The following MATCAP2 variants were observed in gnomAD, a reference collection of about 807,000 sequenced individuals.
MATCAP2 encodes the protein microtubule associated tyrosine carboxypeptidase 2.
the MATCAP2 span, among the ~76,000 whole-genome samples, chr7:36,381,331 G>A: frequency 6.6e-6 from 1 of 152,094 alleles, no homozygotes; most frequent in Non-Finnish European, 1.5e-5. Flanking sequence ...GAAAAGGGAG[G>A]AGAAGGTCAG....
chr7:36,343,811 G>A, the MATCAP2 span, among the ~76,000 whole-genome samples: 1 of 151,778 alleles, frequency 6.6e-6, no homozygotes, highest in Non-Finnish European at 1.5e-5. Flanking sequence ...AAATGCATAT[G>A]GCTAATATGA....
chr7:36,376,356 G>A, the MATCAP2 span, among the ~76,000 whole-genome samples: 3 of 152,190 alleles, frequency 2.0e-5, no homozygotes, highest in Non-Finnish European at 4.4e-5. Context: ...TTACCCAGTA[G>A]TCATTCAGGA....
the MATCAP2 span, among the ~76,000 whole-genome samples, chr7:36,328,311 C>T: frequency 1.0e-3 from 158 of 151,454 alleles, no homozygotes; most frequent in African/African-American, 3.6e-3. Flanking sequence ...CTCTCGCCTC[C>T]ACCTCCCAAA....
At chr7:36,356,751 C>T in the MATCAP2 span, 18 of 698,080 alleles carry the variant, frequency 2.6e-5, no homozygotes, top group Non-Finnish European at 3.8e-5. Context: ...TAATACTCGT[C>T]TTGTCGCACA....
chr7:36,389,628 T>C, the MATCAP2 span, among the ~76,000 whole-genome samples: 1 of 151,872 alleles, frequency 6.6e-6, no homozygotes, highest in Non-Finnish European at 1.5e-5. Flanking sequence ...TTGTTGGGGG[T>C]GGAGCCAGGA....
At chr7:36,387,696 G>C in the MATCAP2 span, among the ~76,000 whole-genome samples, 2 of 152,098 alleles carry the variant, frequency 1.3e-5, no homozygotes, top group South Asian at 4.1e-4. Flanking sequence ...ATAGTGGGAT[G>C]GTGAGGGAAG....
At chr7:36,334,311 C>T in the MATCAP2 span, 16 of 616,224 alleles carry the variant, frequency 2.6e-5, no homozygotes, top group Admixed American at 1.5e-4. Context: ...CCGAGGCATG[C>T]GGATCACTTG....
the MATCAP2 span, chr7:36,357,220 T>C: frequency 1.5e-5 from 25 of 1,614,154 alleles, no homozygotes; most frequent in Admixed American, 1.8e-4. Context: ...GTGTAAACTT[T>C]ACAGGACTTG....
the MATCAP2 span, among the ~76,000 whole-genome samples, chr7:36,361,862 G>A: frequency 6.6e-6 from 1 of 152,218 alleles, no homozygotes; most frequent in Non-Finnish European, 1.5e-5. Flanking sequence ...GCAACAATAT[G>A]GATGTATCTC....
the MATCAP2 span, among the ~76,000 whole-genome samples, chr7:36,377,935 A>G: frequency 6.6e-6 from 1 of 152,114 alleles, no homozygotes; most frequent in Non-Finnish European, 1.5e-5. Flanking sequence ...TTCTCATGCC[A>G]TGGTTTTGAG....
the MATCAP2 span, chr7:36,357,644 G>A: frequency 7.6e-7 from 1 of 1,323,336 alleles, no homozygotes; most frequent in Admixed American, 2.1e-5. Flanking sequence ...ACCAGATGAA[G>A]CAAACTGTTT....
At chr7:36,363,880 C>G in the MATCAP2 span, among the ~76,000 whole-genome samples, 5 of 152,016 alleles carry the variant, frequency 3.3e-5, no homozygotes, top group Non-Finnish European at 2.9e-5. Flanking sequence ...ATTAGTATCA[C>G]ATTAAATATT....
the MATCAP2 span, among the ~76,000 whole-genome samples, chr7:36,375,494 T>A: frequency 6.6e-6 from 1 of 152,214 alleles, no homozygotes; most frequent in African/African-American, 2.4e-5. Context: ...GGTTTGCCAG[T>A]ATTTTATTGA....
At chr7:36,330,987 C>G in the MATCAP2 span, 1 of 1,604,970 alleles carries the variant, frequency 6.2e-7, no homozygotes, top group Non-Finnish European at 8.5e-7. Flanking sequence ...CTCACCTTCC[C>G]GAGAGCAGTC....
At chr7:36,363,025 G>A in the MATCAP2 span, among the ~76,000 whole-genome samples, 2 of 152,160 alleles carry the variant, frequency 1.3e-5, no homozygotes, top group East Asian at 1.9e-4. Context: ...TGAAAGGGGG[G>A]CCAGAGAGGT....
the MATCAP2 span, chr7:36,325,786 G>T: frequency 6.6e-6 from 1 of 152,162 alleles, no homozygotes; most frequent in Non-Finnish European, 1.5e-5. Flanking sequence ...TCAAAGATTT[G>T]ATAAAATATA....
chr7:36,364,244 T>C, the MATCAP2 span, among the ~76,000 whole-genome samples: 1 of 152,082 alleles, frequency 6.6e-6, no homozygotes, highest in African/African-American at 2.4e-5. Flanking sequence ...CAGGCCATCA[T>C]GCCCGGCTAA....
chr7:36,341,299 T>C, the MATCAP2 span, among the ~76,000 whole-genome samples: 1 of 144,734 alleles, frequency 6.9e-6, no homozygotes, highest in Non-Finnish European at 1.5e-5. Context: ...CATCTCCCAA[T>C]ATAATATATA....
chr7:36,362,072 GGTTAT>G, the MATCAP2 span, among the ~76,000 whole-genome samples: 1 of 152,250 alleles, frequency 6.6e-6, no homozygotes, highest in African/African-American at 2.4e-5. Context: ...TCTGGGCAAT[GGTTAT>G]GTATGTACAA....
Sources: gnomAD v4.1 joint callset for allele counts (sites outside exome capture counted in the v4.1 genomes callset) on GRCh38, gnomAD v4.1.1 for gene constraint, MANE v1.5 for transcripts, NCBI Gene and HGNC (gene_info 2026-07-23, HGNC 2026-07-21) for gene names.